Variants in DYM observed in about 807,000 individuals in gnomAD.
DYM encodes the protein dymeclin.
Under a neutral mutation model 93.1 loss-of-function variants are expected in DYM, and 78 were observed. That is an observed-to-expected ratio of 0.84 (90% CI 0.70 to 1.01). The LOEUF is 1.01. Among genes scored for constraint, DYM ranks in the 50% least tolerant of loss-of-function variants. The pLI, the probability that DYM is intolerant of heterozygous loss-of-function variation, is 0.00. For missense variants in DYM, 789 were observed against 845.0 expected, an observed-to-expected ratio of 0.93 and a Z score of 0.82; for synonymous variants, 321 against 319.7, an observed-to-expected ratio of 1.00 and a Z score of -0.04.
chr18:49,204,954 A>G (rs891013888), intron 14 of DYM, among the ~76,000 whole-genome samples: 12 of 152,088 alleles, frequency 7.9e-5, no homozygotes, highest in African/African-American at 2.7e-4. Flanking sequence ...TACATTACAT[A>G]TATTTATTTG....
At chr18:49,112,492 G>T (rs879865742) in intron 16 of DYM, among the ~76,000 whole-genome samples, 1 of 152,110 alleles carries the variant, frequency 6.6e-6, no homozygotes, top group Non-Finnish European at 1.5e-5. Flanking sequence ...TGGGTGGGCC[G>T]ATGACCCCTC....
intron 8 of DYM, among the ~76,000 whole-genome samples, chr18:49,289,727 G>GTATATATATATATATATATATA (rs386387632): frequency 9.4e-5 from 8 of 85,062 alleles, no homozygotes; most frequent in South Asian, 3.8e-4. Context: ...ATATATATGT[G>GTATATATATATATATATATATA]TATATATATA....
rs866854873 is a variant in DYM at position 49,039,740 on chromosome 18, C to A, written c.*4315G>T. 6.6e-6 allele frequency among the ~76,000 whole-genome samples: 1 copy of A among 152,072 alleles called. No homozygotes were observed. The highest frequency in any genetic ancestry group is 1.5e-5 in the Non-Finnish European group (1 of 68,016). On this transcript the variant is annotated 3_prime_UTR_variant, in exon 18 of 18. Transcript: ENST00000675505. ...TACTTTAGTTATAGAATTTCCAATG[C>A]GCCTTTTACAGTTTCTAACTCTCTG... is the stretch of plus-strand genomic sequence containing the variant.
Position 49,282,175 on chromosome 18 carries a change from T to A in DYM, c.947A>T (p.Asp316Val). ...QAIMSFKNTQDSSPFPSSIPH... is the reference protein window; with the variant it reads ...QAIMSFKNTQVSSPFPSSIPH... Reference sequence around the variant, plus strand: ...AATTGATGAGGGGAAAGGACTGCTATCTGGAATACAGAAAACAGCACATCA... The same window carrying A: ...AATTGATGAGGGGAAAGGACTGCTAACTGGAATACAGAAAACAGCACATCA... Residue 316 changes from aspartate to valine, a missense_variant and splice_region_variant, in exon 10 of 18, where the codon GAT becomes GTT. Transcript: ENST00000675505. The A allele has an allele frequency of 6.2e-7, 1 of 1,613,648 alleles. No homozygotes were observed. The highest frequency in any genetic ancestry group is 8.5e-7 in the Non-Finnish European group (1 of 1,179,626).
chr18:49,423,097 T>C (rs2148368397), intron 2 of DYM, among the ~76,000 whole-genome samples: 1 of 152,306 alleles, frequency 6.6e-6, no homozygotes, highest in Admixed American at 6.5e-5. Flanking sequence ...ATACATTCTT[T>C]TCAGCACCAC....
intron 8 of DYM, among the ~76,000 whole-genome samples, chr18:49,288,935 T>C (rs899641266): frequency 6.6e-6 from 1 of 151,980 alleles, no homozygotes; most frequent in African/African-American, 2.4e-5. Context: ...AAAAAATACA[T>C]AAGAAAACAA....
chr18:49,275,005 T>C (rs986607814), intron 10 of DYM, among the ~76,000 whole-genome samples: 1 of 152,222 alleles, frequency 6.6e-6, no homozygotes, highest in African/African-American at 2.4e-5. Context: ...ACCTGTTTTT[T>C]CTTTCATTGC....
At chr18:49,425,635 A>T (rs1490182584) in intron 2 of DYM, among the ~76,000 whole-genome samples, 2 of 152,188 alleles carry the variant, frequency 1.3e-5, no homozygotes, top group African/African-American at 2.4e-5. Context: ...AAATTTTTGC[A>T]ATCTACCCAT....
intron 15 of DYM, among the ~76,000 whole-genome samples, chr18:49,146,611 T>A (rs1234461908): frequency 2.0e-5 from 3 of 152,024 alleles, no homozygotes; most frequent in Non-Finnish European, 4.4e-5. Context: ...TCAAAGAGAA[T>A]AAAATATCTA....
At chr18:49,384,322 CAAA>C (rs398032777) in intron 3 of DYM, among the ~76,000 whole-genome samples, 10 of 65,834 alleles carry the variant, frequency 1.5e-4, no homozygotes, top group Admixed American at 2.0e-4. Context: ...ACCATGTCTC[CAAA>C]AAAAAAAAAA....
intron 7 of DYM, among the ~76,000 whole-genome samples, chr18:49,333,309 C>T (rs991584036): frequency 6.6e-6 from 1 of 152,152 alleles, no homozygotes; most frequent in African/African-American, 2.4e-5. Context: ...TAGGAATAGT[C>T]AGCGAAGAGG....
At chr18:49,255,858 T>C (rs2145109164) in intron 13 of DYM, among the ~76,000 whole-genome samples, 1 of 151,962 alleles carries the variant, frequency 6.6e-6, no homozygotes, top group East Asian at 1.9e-4. Context: ...TTATGACTGG[T>C]TAGTTAGCTT....
chr18:49,250,410 T>C (rs761817711), intron 13 of DYM, among the ~76,000 whole-genome samples: 2 of 152,212 alleles, frequency 1.3e-5, no homozygotes, highest in Non-Finnish European at 2.9e-5. Flanking sequence ...CAGGTAACCA[T>C]ATCCAGATCT....
Position 49,209,592 on chromosome 18 carries a change from C to CA in DYM, c.1583dup (p.Leu528PhefsTer22), listed in dbSNP as rs1568016630. On this transcript the variant is annotated frameshift_variant, in exon 14 of 18. Coordinates refer to ENST00000675505, the MANE Select transcript of DYM (RefSeq NM_001353214.3). LOFTEE classifies it high-confidence loss of function. ...TGAGAATGTGAGAGCAAGTTAAAGA[C>CA]AAGAGTTCCTCTCCATTGTCACTGA... 1 of 1,289,594 alleles carries CA rather than the reference C, an allele frequency of 7.8e-7. No homozygotes were observed. The highest frequency in any genetic ancestry group is 1.2e-5 in the South Asian group (1 of 81,004). 79.9% of individuals were successfully genotyped at this position (1,289,594 alleles called of 1,614,324 possible).
chr18:49,173,478 T>G (rs939731853), intron 14 of DYM, among the ~76,000 whole-genome samples: 1 of 152,094 alleles, frequency 6.6e-6, no homozygotes, highest in African/African-American at 2.4e-5. Context: ...CAGCAATGTT[T>G]TATAGTTTTC....
chr18:49,234,433 G>A (rs924248473), intron 13 of DYM, among the ~76,000 whole-genome samples: 1 of 152,104 alleles, frequency 6.6e-6, no homozygotes, highest in African/African-American at 2.4e-5. Flanking sequence ...CTCCAGCCTG[G>A]GTAACAGAGA....
At chr18:49,413,524 A>C (rs973753017) in intron 2 of DYM, among the ~76,000 whole-genome samples, 1 of 152,222 alleles carries the variant, frequency 6.6e-6, no homozygotes, top group Non-Finnish European at 1.5e-5. Context: ...ATCATGTAAG[A>C]AAAATCCCTG....
At chr18:49,109,549 T>C (rs2081195013) in intron 16 of DYM, among the ~76,000 whole-genome samples, 2 of 152,212 alleles carry the variant, frequency 1.3e-5, no homozygotes, top group Non-Finnish European at 2.9e-5. Flanking sequence ...CTATAGTTCA[T>C]GGATCCTGGA....
intron 7 of DYM, among the ~76,000 whole-genome samples, chr18:49,332,690 C>G (rs2063394204): frequency 6.6e-6 from 1 of 151,906 alleles, no homozygotes; most frequent in South Asian, 2.1e-4. Flanking sequence ...AAGATGAACC[C>G]CAAAAATAAG....
Sources: gnomAD v4.1 joint callset for allele counts (sites outside exome capture counted in the v4.1 genomes callset) on GRCh38, gnomAD v4.1.1 for gene constraint, MANE v1.5 for transcripts, NCBI Gene and HGNC (gene_info 2026-07-23, HGNC 2026-07-21) for gene names.